The following RPP30 variants were observed in gnomAD, a reference collection of about 807,000 sequenced individuals.
RPP30 encodes ribonuclease P/MRP subunit p30.
In RPP30, 36 loss-of-function variants were observed where a neutral mutation model predicts 38.6. The observed-to-expected ratio is 0.93, with a 90% CI of 0.71 to 1.23. RPP30 has a LOEUF of 1.23. Among genes scored for constraint, RPP30 ranks in the 50% most tolerant of loss-of-function variants. The pLI, the probability that RPP30 is intolerant of heterozygous loss-of-function variation, is 0.00. For missense variants in RPP30, 321 were observed against 321.7 expected, an observed-to-expected ratio of 1.00 and a Z score of 0.02; for synonymous variants, 126 against 112.7, an observed-to-expected ratio of 1.12 and a Z score of -0.75.
chr10:90,885,784 G>T, intron 5 of RPP30, 28 bp from the exon 6 acceptor site: 1 of 1,503,544 alleles, frequency 6.7e-7, no homozygotes. Flanking sequence ...TTTCCTTTTG[G>T]CCTTACCTAT....
downstream of RPP30, among the ~76,000 whole-genome samples, chr10:90,903,875 A>T (rs529470947): frequency 5.3e-5 from 8 of 152,210 alleles, no homozygotes; most frequent in Non-Finnish European, 1.0e-4. Flanking sequence ...AAACTTAATG[A>T]AAGTAATAAG....
chr10:90,903,432 A>G (rs1847224327), downstream of RPP30, among the ~76,000 whole-genome samples: 1 of 152,220 alleles, frequency 6.6e-6, no homozygotes, highest in Admixed American at 6.5e-5. Context: ...TATAGAAAGG[A>G]GGTAAAATTA....
chr10:90,872,630 G>A (rs1232133104), intron 1 of RPP30, among the ~76,000 whole-genome samples: 1 of 152,166 alleles, frequency 6.6e-6, no homozygotes, highest in Non-Finnish European at 1.5e-5. Context: ...CTTGAGAGAC[G>A]AGAACCTGTT....
At chr10:90,892,603 A>G (rs1589500078) in intron 6 of RPP30, among the ~76,000 whole-genome samples, 1 of 152,190 alleles carries the variant, frequency 6.6e-6, no homozygotes, top group Non-Finnish European at 1.5e-5. Context: ...CCAACTCTAT[A>G]TATCATTCAC....
At chr10:90,880,628 G>A (rs1379360509) in intron 5 of RPP30, among the ~76,000 whole-genome samples, 6 of 152,140 alleles carry the variant, frequency 3.9e-5, no homozygotes, top group African/African-American at 1.4e-4. Context: ...GCTGAGGCAC[G>A]AGAATTGCTT....
intron 6 of RPP30, among the ~76,000 whole-genome samples, chr10:90,887,803 A>G (rs747302846): frequency 1.4e-4 from 22 of 152,232 alleles, no homozygotes; most frequent in Non-Finnish European, 2.5e-4. Context: ...AAACCACTGA[A>G]TCACCACATT....
At chr10:90,882,071 G>C (rs1269705213) in intron 5 of RPP30, among the ~76,000 whole-genome samples, 1 of 152,106 alleles carries the variant, frequency 6.6e-6, no homozygotes, top group Non-Finnish European at 1.5e-5. Context: ...CATTGGTTAG[G>C]GCTCCTTGGG....
intron 9 of RPP30, among the ~76,000 whole-genome samples, 173 bp downstream of exon 9, chr10:90,896,090 T>C (rs1186916741): frequency 6.6e-6 from 1 of 152,240 alleles, no homozygotes; most frequent in Non-Finnish European, 1.5e-5. Context: ...TTCTGTTTTT[T>C]AATTAATCAT....
chr10:90,874,793 A>G, intron 1 of RPP30, 76 bp from the exon 2 acceptor site: 1 of 924,886 alleles, frequency 1.1e-6, no homozygotes, highest in Non-Finnish European at 1.7e-6. Context: ...CTTGACATCT[A>G]GACTCAGGAT....
At chr10:90,892,540 A>G (rs1213092844) in intron 6 of RPP30, among the ~76,000 whole-genome samples, 1 of 152,092 alleles carries the variant, frequency 6.6e-6, no homozygotes, top group Non-Finnish European at 1.5e-5. Context: ...GGTACCCACA[A>G]GGGTCTAGAA....
chr10:90,889,395 C>T (rs573890126), intron 6 of RPP30, among the ~76,000 whole-genome samples: 3 of 146,748 alleles, frequency 2.0e-5, no homozygotes, highest in South Asian at 2.2e-4. Context: ...CTGCAGCCTC[C>T]GCCTCCTCAG....
rs1377076896 is a variant in RPP30, at chr10:90,902,164, A to G, written c.*1485A>G. ...CCAATGAATACAAATGTTTAAATAA[A>G]ATATTGATTAAAAAAACATTAAAAG... On this transcript the variant is annotated 3_prime_UTR_variant, in exon 11 of 11. Transcript: ENST00000371703. 2.1e-6 allele frequency: 2 copies of G among 943,490 alleles called. No individual in the cohort carries two copies. Among genetic ancestry groups the G allele is most frequent in the African/African-American group, 1.8e-5 (1 of 56,178 alleles). The allele number at this position is 943,490 out of a possible 1,614,324, so 58.4% of individuals were successfully genotyped here. A position where few individuals can be genotyped will look rare whatever the true frequency, so the allele number is the denominator to read the frequency against.
intron 3 of RPP30, 139 bp from the exon 4 acceptor site, chr10:90,875,885 C>G: frequency 1.6e-6 from 1 of 625,932 alleles, no homozygotes; most frequent in East Asian, 2.7e-5. Context: ...TTGTAAATTC[C>G]TAGAGAACAA....
intron 6 of RPP30, among the ~76,000 whole-genome samples, chr10:90,890,182 G>T (rs1216271071): frequency 6.6e-6 from 1 of 152,152 alleles, no homozygotes; most frequent in African/African-American, 2.4e-5. Flanking sequence ...ATTTCCTACT[G>T]GGAAATGCTT....
intron 6 of RPP30, among the ~76,000 whole-genome samples, chr10:90,889,728 A>AAGG (rs1847050856): frequency 6.6e-6 from 1 of 152,160 alleles, no homozygotes; most frequent in Admixed American, 6.5e-5. Context: ...TGGGATTGTG[A>AAGG]AGGAGGGCCC....
intron 5 of RPP30, among the ~76,000 whole-genome samples, chr10:90,881,892 T>G (rs1846932583): frequency 8.5e-5 from 13 of 152,296 alleles, no homozygotes; most frequent in African/African-American, 3.1e-4. Context: ...AGACACATGT[T>G]TATGTCAATA....
chr10:90,878,908 C>CG (rs1235605527), intron 4 of RPP30, among the ~76,000 whole-genome samples, 155 bp from the exon 5 acceptor site: 1 of 151,266 alleles, frequency 6.6e-6, no homozygotes, highest in East Asian at 1.9e-4. Context: ...TTCTCATGTG[C>CG]TTATGTCTTT....
At chr10:90,891,183 T>G (rs1008360254) in intron 6 of RPP30, among the ~76,000 whole-genome samples, 2 of 152,248 alleles carry the variant, frequency 1.3e-5, no homozygotes, top group African/African-American at 4.8e-5. Context: ...GTCAGCATGG[T>G]CTTGTTCCCT....
intron 4 of RPP30, among the ~76,000 whole-genome samples, chr10:90,877,704 G>T (rs1313240508): frequency 3.9e-5 from 6 of 152,206 alleles, no homozygotes; most frequent in African/African-American, 1.2e-4. Flanking sequence ...ATATAATAGG[G>T]ATGTGGAAAA....
Sources: gnomAD v4.1 joint callset for allele counts (sites outside exome capture counted in the v4.1 genomes callset) on GRCh38, gnomAD v4.1.1 for gene constraint, MANE v1.5 for transcripts, NCBI Gene and HGNC (gene_info 2026-07-23, HGNC 2026-07-21) for gene names.